Variants in SGCD observed in about 807,000 individuals in gnomAD.
SGCD encodes sarcoglycan delta.
SGCD carries 18 observed loss-of-function variants against 36.6 expected under a neutral mutation model. The ratio of observed to expected loss-of-function variants is 0.49; its 90% CI spans 0.34 to 0.73. The LOEUF (loss-of-function observed/expected upper bound fraction) is 0.73, where lower values mean the gene tolerates loss of function less well. Ranked by LOEUF, SGCD falls within the 30% of genes least tolerant of loss-of-function variation. The pLI is 0.01. For missense variants in SGCD, 387 were observed against 346.7 expected (o/e 1.12, Z -0.92); for synonymous variants, 133 against 130.6 (o/e 1.02, Z -0.12).
intron 3 of SGCD, among the ~76,000 whole-genome samples, chr5:156,375,119 C>T (rs575711513): frequency 6.6e-6 from 1 of 151,966 alleles, no homozygotes; most frequent in African/African-American, 2.4e-5. Context: ...CTTATTCTCC[C>T]CACTCCTTCC....
chr5:156,133,906 C>T lies in SGCD; in HGVS notation c.-44+9887C>T, dbSNP rs866969180. 4.6e-5 allele frequency among the ~76,000 whole-genome samples: 6 copies of T among 130,816 alleles called. No homozygotes were observed. The South Asian group carries it at 7.9e-4, about 17-fold the overall frequency. The allele number at this position is 130,816 out of a possible 152,430, so 85.8% of individuals were successfully genotyped here. ...TTGTACAGATTTAGGTCTTATTTGC[C>T]GGGTTAAAACACACACACACACACA... On this transcript the variant is annotated intron_variant, in intron 3 of 9. Coordinates refer to the SGCD transcript ENST00000517913.
chr5:156,554,143 G>A (rs898903474), intron 4 of SGCD, among the ~76,000 whole-genome samples: 2 of 152,158 alleles, frequency 1.3e-5, no homozygotes, highest in South Asian at 4.2e-4. Context: ...ATCACTTGAG[G>A]CCAGGAGTTT....
chr5:156,686,265 A>G (rs905384866), intron 7 of SGCD, among the ~76,000 whole-genome samples: 2 of 152,300 alleles, frequency 1.3e-5, no homozygotes, highest in Admixed American at 1.3e-4. Flanking sequence ...CTCAGCTGCC[A>G]TTCGAATTCA....
At chr5:156,331,279 A>G (rs1768057064) in intron 2 of SGCD, among the ~76,000 whole-genome samples, 1 of 152,202 alleles carries the variant, frequency 6.6e-6, no homozygotes, top group African/African-American at 2.4e-5. Context: ...CCTATTGCAG[A>G]GTGTGAACTG....
In SGCD at chr5:156,053,866, C is replaced by T. The variant is rs917305334; in HGVS notation, c.-281-64012C>T. Among the ~76,000 whole-genome samples, 5 of 146,160 alleles carry T rather than the reference C, an allele frequency of 3.4e-5. 1 individual carries two copies. The highest frequency in any genetic ancestry group is 1.2e-4 in the African/African-American group (5 of 40,656). On this transcript the variant is annotated intron_variant, in intron 1 of 9. Transcript: ENST00000517913. ...GATTCAATATCTGGTGAGTGCCATT[C>T]CTCACGGATGACATCTAGCTTTGTC...
upstream of SGCD, among the ~76,000 whole-genome samples, chr5:156,326,002 TTAGAA>T (rs1206112418): frequency 6.6e-6 from 1 of 152,232 alleles, no homozygotes; most frequent in Non-Finnish European, 1.5e-5. Context: ...AGCCAGTTCT[TTAGAA>T]TAAGTTGCCA....
At chr5:156,500,291 A>G (rs571620331) in intron 3 of SGCD, among the ~76,000 whole-genome samples, 1 of 152,366 alleles carries the variant, frequency 6.6e-6, no homozygotes, top group African/African-American at 2.4e-5. Context: ...TTCTGAGCGC[A>G]TAATAATTGC....
In SGCD at chr5:156,219,102, C is replaced by T. The variant is rs536482788; in HGVS notation, c.-44+95083C>T. Among the ~76,000 whole-genome samples the T allele has an allele frequency of 7.2e-5, 11 of 152,240 alleles. No homozygotes were observed. The South Asian group carries it at 1.9e-3, about 26-fold the overall frequency. ...CAGTTTCTTACTGTATTTTTTTGTA[C>T]CGCTACTCAGTTGAGAATTTCAATG... is the stretch of plus-strand genomic sequence containing the variant. On this transcript the variant is annotated intron_variant, in intron 3 of 9. Transcript: ENST00000517913.
At chr5:156,193,744 A>T (rs1489683759) in intron 3 of SGCD, among the ~76,000 whole-genome samples, 1 of 152,172 alleles carries the variant, frequency 6.6e-6, no homozygotes, top group African/African-American at 2.4e-5. Context: ...TGAACAACTA[A>T]AAAATTTCTT....
intron 1 of SGCD, among the ~76,000 whole-genome samples, chr5:155,951,427 G>A (rs1226402040): frequency 6.6e-6 from 1 of 152,100 alleles, no homozygotes; most frequent in African/African-American, 2.4e-5. Flanking sequence ...AATTCAGACA[G>A]TAGAATGTAT....
intron 6 of SGCD, among the ~76,000 whole-genome samples, chr5:156,607,153 GC>G (rs1231118536): frequency 3.3e-5 from 5 of 152,124 alleles, no homozygotes; most frequent in East Asian, 1.9e-4. Flanking sequence ...TCCAGTTTTT[GC>G]CCATTCAGTA....
the SGCD span, among the ~76,000 whole-genome samples, chr5:155,839,185 C>G: frequency 6.6e-6 from 1 of 152,160 alleles, no homozygotes; most frequent in Non-Finnish European, 1.5e-5. Context: ...GCATACATTT[C>G]TGGCTGGTGG....
intron 3 of SGCD, among the ~76,000 whole-genome samples, chr5:156,179,540 T>C (rs1763553109): frequency 6.6e-6 from 1 of 152,138 alleles, no homozygotes; most frequent in Non-Finnish European, 1.5e-5. Flanking sequence ...TTTCAATGCA[T>C]ATTCACAAAT....
At chr5:155,940,534 C>A (rs890811144) in intron 1 of SGCD, among the ~76,000 whole-genome samples, 1 of 152,116 alleles carries the variant, frequency 6.6e-6, no homozygotes, top group African/African-American at 2.4e-5. Context: ...ACACATAAAA[C>A]CTAATATAGT....
At chr5:156,280,367 G>A (rs989577116) in intron 3 of SGCD, among the ~76,000 whole-genome samples, 13 of 152,180 alleles carry the variant, frequency 8.5e-5, no homozygotes, top group South Asian at 4.1e-4. Context: ...AATGTACAAT[G>A]AGAATGGAAA....
intron 3 of SGCD, among the ~76,000 whole-genome samples, chr5:156,346,971 GTATTTT>G (rs1187118303): frequency 6.6e-6 from 1 of 151,724 alleles, no homozygotes; most frequent in African/African-American, 2.4e-5. Context: ...CTAATTTTTT[GTATTTT>G]TAGTAGAGAT....
At chr5:156,306,574 C>G (rs556402028) in intron 3 of SGCD, among the ~76,000 whole-genome samples, 3 of 152,212 alleles carry the variant, frequency 2.0e-5, no homozygotes, top group Non-Finnish European at 2.9e-5. Flanking sequence ...TCTGTCTCCC[C>G]CAAGCACACA....
the SGCD span, among the ~76,000 whole-genome samples, chr5:155,790,275 A>G: frequency 2.0e-5 from 3 of 152,108 alleles, no homozygotes; most frequent in Non-Finnish European, 4.4e-5. Flanking sequence ...GTTACCCAAG[A>G]CAGCATGTTT....
the SGCD span, among the ~76,000 whole-genome samples, chr5:155,837,477 A>T: frequency 6.6e-6 from 1 of 152,114 alleles, no homozygotes; most frequent in Admixed American, 6.6e-5. Context: ...TATTTATGAT[A>T]CTTTTCACCA....
Sources: gnomAD v4.1 joint callset for allele counts (sites outside exome capture counted in the v4.1 genomes callset) on GRCh38, gnomAD v4.1.1 for gene constraint, MANE v1.5 for transcripts, NCBI Gene and HGNC (gene_info 2026-07-23, HGNC 2026-07-21) for gene names.